The following PTPRD variants were observed in gnomAD, a reference collection of about 807,000 sequenced individuals.
PTPRD encodes receptor-type tyrosine-protein phosphatase delta.
Under a neutral mutation model 214.5 loss-of-function variants are expected in PTPRD, and 34 were observed. The ratio of observed to expected loss-of-function variants is 0.16; its 90% CI spans 0.12 to 0.21. PTPRD has a LOEUF of 0.21. PTPRD is among the 10% of genes least tolerant of loss of function. The pLI, the probability that PTPRD is intolerant of heterozygous loss-of-function variation, is 1.00. For missense variants in PTPRD, 2,545 were observed against 2,398.7 expected (o/e 1.06, Z -1.27); for synonymous variants, 1,128 against 845.7 (o/e 1.33, Z -5.79).
chr9:9,839,376 A>G (rs1440043237), intron 5 of PTPRD, among the ~76,000 whole-genome samples: 16 of 152,166 alleles, frequency 1.1e-4, no homozygotes, highest in Admixed American at 2.0e-4. Context: ...AAATCAATGT[A>G]CAAAAATCAC....
chr9:10,452,564 A>G (rs2098848709), intron 2 of PTPRD, among the ~76,000 whole-genome samples: 1 of 151,734 alleles, frequency 6.6e-6, no homozygotes, highest in Non-Finnish European at 1.5e-5. Flanking sequence ...CATTTTCCTG[A>G]TTAGTGTTGT....
At chr9:9,708,091 G>A (rs1382204244) in intron 7 of PTPRD, among the ~76,000 whole-genome samples, 2 of 152,066 alleles carry the variant, frequency 1.3e-5, no homozygotes, top group Admixed American at 6.6e-5. Flanking sequence ...CGTAAGAACT[G>A]GCACCAATAA....
intron 11 of PTPRD, among the ~76,000 whole-genome samples, chr9:8,963,685 A>C (rs1488102430): frequency 2.6e-5 from 4 of 152,072 alleles, no homozygotes; most frequent in African/African-American, 4.8e-5. Flanking sequence ...AGTGGTGCCA[A>C]CATGGCTTGC....
intron 14 of PTPRD, among the ~76,000 whole-genome samples, chr9:8,631,293 C>A (rs2096244154): frequency 6.6e-6 from 1 of 151,716 alleles, no homozygotes; most frequent in African/African-American, 2.4e-5. Flanking sequence ...CCATTCCTTC[C>A]TTTCCCTTTT....
In PTPRD at chr9:8,389,267, C is replaced by G. The variant is rs1190768340; in HGVS notation, c.4351G>C (p.Val1451Leu). Residue 1451 changes from valine (V) to leucine (L), a missense_variant, in exon 37 of 46, where the codon GTT becomes CTT. Coordinates refer to ENST00000381196, the MANE Select transcript of PTPRD (RefSeq NM_002839.4). ...RMIWEQRSAT[V>L]VMMTKLEERS... ...TCTTCTAGTTTTGTCATCATGACAA[C>G]TGTGGCACTCCGTTGTTCCCATATC... is the stretch of plus-strand genomic sequence containing the variant. 6.2e-7 allele frequency: 1 copy of G among 1,612,092 alleles called. No individual in the cohort carries two copies. Among genetic ancestry groups the G allele is most frequent in the Non-Finnish European group, 8.5e-7 (1 of 1,178,992 alleles).
At position 8,727,174 on chromosome 9, in the gene PTPRD, C is replaced by T. The variant is rs150499704; in HGVS notation, c.64+6606G>A. ...ATTGTTCCATCCTTAGAGTTTAGGG[C>T]CTATTCCCAAATAGAGATAACAAAC... On this transcript the variant is annotated intron_variant, in intron 12 of 45. Coordinates refer to ENST00000381196, the MANE Select transcript of PTPRD (RefSeq NM_002839.4). Among the ~76,000 whole-genome samples, 1,359 of 152,172 alleles carry T rather than the reference C, an allele frequency of 8.9e-3. 16 individuals carry two copies. Among genetic ancestry groups the T allele is most frequent in the Admixed American group, 0.012 (182 of 15,286 alleles).
At chr9:9,637,357 C>G (rs983768734) in intron 7 of PTPRD, among the ~76,000 whole-genome samples, 8 of 152,262 alleles carry the variant, frequency 5.3e-5, no homozygotes, top group South Asian at 2.1e-4. Context: ...GCTGTGAAAT[C>G]AAACAAGTTA....
At position 8,880,415 on chromosome 9, in the gene PTPRD, T is replaced by C. The variant is rs150717905; in HGVS notation, c.-104+138282A>G. ...GGCACTTGCTTCTACCTTTTCTCTTTCTTTCACGAAGATGATGATGAAGCA... is the reference window on the plus strand; with the variant it reads ...GGCACTTGCTTCTACCTTTTCTCTTCCTTTCACGAAGATGATGATGAAGCA... On this transcript the variant is annotated intron_variant, in intron 11 of 45. Coordinates refer to ENST00000381196, the MANE Select transcript of PTPRD (RefSeq NM_002839.4). Among the ~76,000 whole-genome samples the C allele has an allele frequency of 8.5e-5, 13 of 152,276 alleles. No individual in the cohort carries two copies. In the East Asian group the frequency reaches 2.3e-3, roughly 27 times the overall value.
chr9:9,593,281 T>C (rs1467901889), intron 7 of PTPRD, among the ~76,000 whole-genome samples: 3 of 151,748 alleles, frequency 2.0e-5, no homozygotes, highest in Admixed American at 1.3e-4. Context: ...TCCACACTAT[T>C]TTTTATGGAA....
intron 8 of PTPRD, among the ~76,000 whole-genome samples, chr9:9,561,520 AC>A (rs1475572929): frequency 6.6e-6 from 1 of 152,186 alleles, no homozygotes; most frequent in African/African-American, 2.4e-5. Flanking sequence ...TTATCATCAA[AC>A]CATTTGGGGT....
intron 7 of PTPRD, among the ~76,000 whole-genome samples, chr9:9,634,358 A>C (rs1280418678): frequency 6.6e-6 from 1 of 152,180 alleles, no homozygotes; most frequent in Non-Finnish European, 1.5e-5. Context: ...TATGGGGAAG[A>C]AGTGGTCATT....
intron 11 of PTPRD, among the ~76,000 whole-genome samples, chr9:8,987,265 G>C (rs1216649880): frequency 6.6e-6 from 1 of 152,120 alleles, no homozygotes; most frequent in African/African-American, 2.4e-5. Flanking sequence ...AGGTATGTGT[G>C]AGTGTGTGGG....
At chr9:9,103,398 G>C (rs769024711) in intron 10 of PTPRD, among the ~76,000 whole-genome samples, 3 of 151,970 alleles carry the variant, frequency 2.0e-5, no homozygotes, top group East Asian at 1.9e-4. Context: ...ATCTCTGCTT[G>C]AGTTAGCATG....
chr9:10,461,603 T>G (rs562694605), intron 2 of PTPRD, among the ~76,000 whole-genome samples: 1 of 151,550 alleles, frequency 6.6e-6, no homozygotes, highest in African/African-American at 2.4e-5. Context: ...TGTTGCATGA[T>G]CTTCCTTGCA....
intron 7 of PTPRD, among the ~76,000 whole-genome samples, chr9:9,673,941 A>G (rs1054263992): frequency 1.3e-5 from 2 of 151,840 alleles, no homozygotes; most frequent in Non-Finnish European, 3.0e-5. Context: ...TTCCAAAACT[A>G]TCTTTCAAGA....
At chr9:8,748,031 C>T (rs376133231) in intron 11 of PTPRD, among the ~76,000 whole-genome samples, 10 of 152,112 alleles carry the variant, frequency 6.6e-5, no homozygotes, top group African/African-American at 1.2e-4. Context: ...ACCCCTGGAC[C>T]GGCCTGCTAG....
At chr9:8,951,320 CTTTT>C (rs35028756) in intron 11 of PTPRD, among the ~76,000 whole-genome samples, 1 of 128,376 alleles carries the variant, frequency 7.8e-6, no homozygotes, top group Non-Finnish European at 1.6e-5. Context: ...CTGGATCCTC[CTTTT>C]TTTTTTTTTT....
intron 11 of PTPRD, among the ~76,000 whole-genome samples, chr9:8,928,196 C>G (rs1457390648): frequency 6.6e-6 from 1 of 152,116 alleles, no homozygotes; most frequent in Non-Finnish European, 1.5e-5. Context: ...TTCAGAAGCT[C>G]TTTAGTTTAA....
At chr9:9,484,258 T>G (rs943688959) in intron 8 of PTPRD, among the ~76,000 whole-genome samples, 3 of 152,016 alleles carry the variant, frequency 2.0e-5, no homozygotes, top group African/African-American at 7.2e-5. Context: ...GTCAGTCTGA[T>G]GAATTCAAAA....
Sources: allele counts gnomAD v4.1 joint callset (sites outside exome capture counted in the v4.1 genomes callset), GRCh38; gene constraint gnomAD v4.1.1; transcripts MANE v1.5; gene names NCBI Gene and HGNC (gene_info 2026-07-23, HGNC 2026-07-21).